Variants in COG5 observed in about 807,000 individuals in gnomAD.
The protein encoded by COG5 is conserved oligomeric Golgi complex subunit 5.
Under a neutral mutation model 110.4 loss-of-function variants are expected in COG5, and 86 were observed. The ratio of observed to expected loss-of-function variants is 0.78; its 90% CI spans 0.65 to 0.93. The LOEUF (loss-of-function observed/expected upper bound fraction) is 0.93. COG5 is among the 40% of genes least tolerant of loss of function. The probability of loss-of-function intolerance (pLI) is 0.00; values close to 1 mark genes in which losing one functional copy is unlikely to be tolerated. For synonymous variants in COG5, 360 were observed against 334.6 expected (o/e 1.08, Z -0.83); for missense variants, 1,077 against 987.0 (o/e 1.09, Z -1.22).
intron 7 of COG5, among the ~76,000 whole-genome samples, chr7:107,395,939 A>G (rs1790977458): frequency 6.6e-6 from 1 of 152,190 alleles, no homozygotes; most frequent in Admixed American, 6.5e-5. Context: ...AACTTAAGAC[A>G]ATAAAAAGAA....
intron 6 of COG5, among the ~76,000 whole-genome samples, chr7:107,414,203 A>G (rs1792527168): frequency 6.6e-6 from 1 of 152,216 alleles, no homozygotes; most frequent in African/African-American, 2.4e-5. Flanking sequence ...AAATATATAT[A>G]ATGCCAAATT....
chr7:107,501,266 G>A (rs989525102), intron 6 of COG5, among the ~76,000 whole-genome samples: 4 of 151,840 alleles, frequency 2.6e-5, no homozygotes, highest in African/African-American at 9.7e-5. Context: ...AAGAACTTGA[G>A]AACTATTGGC....
Position 107,293,244 on chromosome 7 carries a change from G to C in COG5, c.1313+4898C>G, listed in dbSNP as rs145075953. On this transcript the variant is annotated intron_variant, in intron 12 of 21. Transcript: ENST00000297135. ...GGACCCATTCATTGCGTGGGAATTG[G>C]GCACAATATGGGAGCTCCCTACTCC... Among the ~76,000 whole-genome samples, 8 of 152,246 alleles carry C rather than the reference G, an allele frequency of 5.3e-5. No homozygotes were observed. In the East Asian group the frequency reaches 1.5e-3, roughly 29 times the overall value.
At chr7:107,395,541 CTTTTTTT>C (rs67581814) in intron 7 of COG5, among the ~76,000 whole-genome samples, 3 of 49,994 alleles carry the variant, frequency 6.0e-5, no homozygotes, top group African/African-American at 1.9e-4. Flanking sequence ...TGAAGCAGAT[CTTTTTTT>C]TTTTTTTTTT....
Position 107,523,335 on chromosome 7 carries a change from T to A in COG5, c.538+3902A>T, listed in dbSNP as rs1021256061. On this transcript the variant is annotated intron_variant, in intron 6 of 21. Coordinates refer to ENST00000297135, the MANE Select transcript of COG5 (RefSeq NM_006348.5). ...TTGCTAAGAGTATACAGAAATACAATTAATTTTTTGTATATTTATCTAGTA... is the reference window on the plus strand; with the variant it reads ...TTGCTAAGAGTATACAGAAATACAAATAATTTTTTGTATATTTATCTAGTA... Among the ~76,000 whole-genome samples the A allele has an allele frequency of 2.0e-4, 30 of 152,050 alleles. No homozygotes were observed. The South Asian group carries it at 2.1e-3, about 11-fold the overall frequency.
chr7:107,540,601 A>T (rs1252705992), intron 5 of COG5, among the ~76,000 whole-genome samples: 3 of 150,002 alleles, frequency 2.0e-5, no homozygotes, highest in Non-Finnish European at 4.4e-5. Context: ...ATAAATAAAA[A>T]TTAAAATTAA....
At chr7:107,355,735 C>A (rs916470903) in intron 10 of COG5, among the ~76,000 whole-genome samples, 6 of 152,038 alleles carry the variant, frequency 3.9e-5, no homozygotes, top group African/African-American at 1.5e-4. Context: ...ACTATGAAGA[C>A]AGTAAAAAGA....
intron 3 of COG5, 41 bp from the exon 4 acceptor site, chr7:107,548,373 G>A: frequency 1.9e-6 from 3 of 1,568,400 alleles, no homozygotes; most frequent in Non-Finnish European, 2.6e-6. Flanking sequence ...CAAATTTACA[G>A]GGCATCCAAC....
intron 19 of COG5, among the ~76,000 whole-genome samples, chr7:107,224,941 T>C (rs1348495206): frequency 1.3e-5 from 2 of 152,262 alleles, no homozygotes; most frequent in Non-Finnish European, 2.9e-5. Context: ...GCTTGCTGGC[T>C]TACATAAATA....
At chr7:107,280,716 G>C (rs1445800783) in intron 14 of COG5, among the ~76,000 whole-genome samples, 2 of 151,914 alleles carry the variant, frequency 1.3e-5, no homozygotes, top group African/African-American at 4.8e-5. Flanking sequence ...ATAGAATTAA[G>C]ATTATGATTC....
intron 17 of COG5, among the ~76,000 whole-genome samples, chr7:107,244,779 A>T (rs553398369): frequency 6.6e-6 from 1 of 152,332 alleles, no homozygotes; most frequent in Non-Finnish European, 1.5e-5. Context: ...CAGACTAATA[A>T]TGAGTTCCGA....
chr7:107,442,714 G>T (rs952316102), intron 6 of COG5, among the ~76,000 whole-genome samples: 1 of 151,384 alleles, frequency 6.6e-6, no homozygotes, highest in African/African-American at 2.4e-5. Context: ...GATAATTTAG[G>T]GTTGCAGACT....
intron 6 of COG5, among the ~76,000 whole-genome samples, chr7:107,430,357 TAC>T (rs1793939611): frequency 6.6e-6 from 1 of 152,242 alleles, no homozygotes; most frequent in Non-Finnish European, 1.5e-5. Flanking sequence ...CATTACCAAT[TAC>T]ATTGTCTTCA....
In COG5 at chr7:107,324,534, A is replaced by T. The variant is rs973799581; in HGVS notation, c.1027-13T>A. On this transcript the variant is annotated splice_polypyrimidine_tract_variant and intron_variant, in intron 10 of 21. Transcript: ENST00000297135. ...CCGGTTGTCCATCCTGTGAAGAACAAACAAAAATTTTTTAAAAATAAAAAA... is the reference window on the plus strand; with the variant it reads ...CCGGTTGTCCATCCTGTGAAGAACATACAAAAATTTTTTAAAAATAAAAAA... The T allele has an allele frequency of 1.3e-6, 2 of 1,560,774 alleles. No individual in the cohort carries two copies. Among genetic ancestry groups the T allele is most frequent in the African/African-American group, 2.7e-5 (2 of 73,826 alleles).
At chr7:107,283,859 G>A in intron 12 of COG5, 127 bp from the exon 13 acceptor site, 7 of 655,388 alleles carry the variant, frequency 1.1e-5, no homozygotes, top group Admixed American at 2.6e-5. Context: ...TTAAGAAAAA[G>A]AAAATAATTT....
At chr7:107,276,825 C>T (rs904506634) in intron 14 of COG5, among the ~76,000 whole-genome samples, 11 of 152,076 alleles carry the variant, frequency 7.2e-5, no homozygotes, top group African/African-American at 2.7e-4. Flanking sequence ...GTATTTGAAA[C>T]ATAAAATTCT....
At chr7:107,369,244 T>G (rs957947174) in intron 8 of COG5, among the ~76,000 whole-genome samples, 3 of 152,198 alleles carry the variant, frequency 2.0e-5, no homozygotes, top group African/African-American at 7.2e-5. Context: ...TATCTGTAAC[T>G]TTTTCATGTG....
chr7:107,534,975 G>C (rs1801474681), intron 5 of COG5, among the ~76,000 whole-genome samples: 2 of 151,622 alleles, frequency 1.3e-5, no homozygotes, highest in African/African-American at 4.9e-5. Flanking sequence ...CAGTCTCTCA[G>C]ACCACAGTGC....
intron 6 of COG5, among the ~76,000 whole-genome samples, chr7:107,496,159 A>T (rs1460794917): frequency 6.6e-6 from 1 of 152,096 alleles, no homozygotes; most frequent in African/African-American, 2.4e-5. Context: ...ATGCTTCCTA[A>T]CTCAGTCTAT....
Sources: gnomAD v4.1 joint callset for allele counts (sites outside exome capture counted in the v4.1 genomes callset) on GRCh38, gnomAD v4.1.1 for gene constraint, MANE v1.5 for transcripts, NCBI Gene and HGNC (gene_info 2026-07-23, HGNC 2026-07-21) for gene names.